The following PARD6G variants were observed in gnomAD, a reference collection of about 807,000 sequenced individuals.
PARD6G encodes par-6 family cell polarity regulator gamma.
PARD6G carries 7 observed loss-of-function variants against 10.7 expected under a neutral mutation model. That is an observed-to-expected ratio of 0.66 (90% CI 0.37 to 1.23). The LOEUF is 1.23. PARD6G is among the 50% of genes most tolerant of loss of function. The probability of loss-of-function intolerance (pLI) is 0.02; values close to 1 mark genes in which losing one functional copy is unlikely to be tolerated. For synonymous variants in PARD6G, 287 were observed against 269.4 expected (o/e 1.07, Z -0.64); for missense variants, 548 against 571.8 (o/e 0.96, Z 0.42).
intron 1 of PARD6G, among the ~76,000 whole-genome samples, chr18:80,221,945 T>A (rs1967234954): frequency 6.6e-6 from 1 of 152,142 alleles, no homozygotes; most frequent in South Asian, 2.1e-4. Flanking sequence ...ACAATAGCAT[T>A]ACAAAGGATA....
intron 1 of PARD6G, among the ~76,000 whole-genome samples, chr18:80,206,550 C>T (rs1006186858): frequency 6.6e-6 from 1 of 152,188 alleles, no homozygotes; most frequent in Non-Finnish European, 1.5e-5. Context: ...TAAAGTTGTC[C>T]TAACTGAACT....
rs1255936288 is a variant in PARD6G, at chr18:80,182,638, C to T, written c.295+20072G>A. 1.3e-5 allele frequency among the ~76,000 whole-genome samples: 2 copies of T among 152,178 alleles called. No individual in the cohort carries two copies. Among genetic ancestry groups the T allele is most frequent in the Admixed American group, 1.3e-4 (2 of 15,276 alleles). ...CAAATACAAAACTGCATAAAAATAGCTTCCACAGGGAAAAAAGGTGCAAGT... is the reference window on the plus strand; with the variant it reads ...CAAATACAAAACTGCATAAAAATAGTTTCCACAGGGAAAAAAGGTGCAAGT... On this transcript the variant is annotated intron_variant, in intron 2 of 2. Coordinates refer to ENST00000353265, the MANE Select transcript of PARD6G (RefSeq NM_032510.4). The surrounding 1 kb of genome is among the most constrained non-coding windows in gnomAD (Gnocchi z 4.5).
At position 80,160,541 on chromosome 18, in the gene PARD6G, G is replaced by C; in HGVS notation, c.361C>G (p.Leu121Val). ...LCRRRRALGA[L>V]RDEGPRRRAH... ...CGCCGCCGGGGTCCTTCATCACGCA[G>C]CGCGCCCAGCGCCCGCCTCCGCCTG... Residue 121 changes from leucine to valine, a missense_variant, in exon 3 of 3, where the codon CTG (leucine) becomes GTG (valine). Transcript: ENST00000353265. 6.7e-7 allele frequency: 1 copy of C among 1,494,794 alleles called. No individual in the cohort carries two copies. The highest frequency in any genetic ancestry group is 8.9e-7 in the Non-Finnish European group (1 of 1,124,568). The allele number at this position is 1,494,794 out of a possible 1,614,324, so 92.6% of individuals were successfully genotyped here. A position where few individuals can be genotyped will look rare whatever the true frequency, so the allele number is the denominator to read the frequency against.
In PARD6G at chr18:80,159,155, A is replaced by G. The variant is rs1310676994; in HGVS notation, c.*616T>C. 2.0e-5 allele frequency: 3 copies of G among 152,022 alleles called. No individual in the cohort carries two copies. In the Middle Eastern group the frequency reaches 0.01, roughly 517 times the overall value. 9.4% of individuals were successfully genotyped at this position (152,022 alleles called of 1,614,324 possible). A position where few individuals can be genotyped will look rare whatever the true frequency, so the allele number is the denominator to read the frequency against. ...CAGGCGCCTGCCACCACACCTGGCTAATTTTTATATTTTTAGTAGAGACAG... is the reference window on the plus strand; with the variant it reads ...CAGGCGCCTGCCACCACACCTGGCTGATTTTTATATTTTTAGTAGAGACAG... On this transcript the variant is annotated 3_prime_UTR_variant, in exon 3 of 3. Coordinates refer to ENST00000353265, the MANE Select transcript of PARD6G (RefSeq NM_032510.4).
chr18:80,240,501 C>T (rs867610795), intron 1 of PARD6G, among the ~76,000 whole-genome samples: 1 of 152,180 alleles, frequency 6.6e-6, no homozygotes, highest in African/African-American at 2.4e-5. Flanking sequence ...CAATGCTGAG[C>T]TCTTCCTTAC....
At chr18:80,211,898 C>A (rs934226219) in intron 1 of PARD6G, among the ~76,000 whole-genome samples, 1 of 151,774 alleles carries the variant, frequency 6.6e-6, no homozygotes, top group African/African-American at 2.4e-5. Context: ...GGTGCCAGGG[C>A]CTTGAGGGAG....
rs996066523 is a variant in PARD6G, at chr18:80,159,686, C to CA, written c.*84dup. The CA allele has an allele frequency of 1.3e-5, 17 of 1,318,834 alleles. No individual in the cohort carries two copies. The highest frequency in any genetic ancestry group is 1.9e-4 in the Middle Eastern group (1 of 5,134). The allele number at this position is 1,318,834 out of a possible 1,614,324, so 81.7% of individuals were successfully genotyped here. A position where few individuals can be genotyped will look rare whatever the true frequency, so the allele number is the denominator to read the frequency against. On this transcript the variant is annotated 3_prime_UTR_variant, in exon 3 of 3. Coordinates refer to ENST00000353265, the MANE Select transcript of PARD6G (RefSeq NM_032510.4). ...GTTGTTTTTGTGGTCACAAAAACAA[C>CA]AAAAAATGAGCGGATGCAGTCTGCA...
At chr18:80,242,219 A>G (rs1446374736) in intron 1 of PARD6G, among the ~76,000 whole-genome samples, 1 of 152,220 alleles carries the variant, frequency 6.6e-6, no homozygotes, top group Non-Finnish European at 1.5e-5. Flanking sequence ...AAATCAAGTC[A>G]CTGAACCTGT....
At chr18:80,176,947 ATGCACACACACACAGGCATG>A (rs1390786762) in intron 2 of PARD6G, among the ~76,000 whole-genome samples, 8 of 150,636 alleles carry the variant, frequency 5.3e-5, no homozygotes, top group Non-Finnish European at 8.9e-5. Context: ...GGAAGCATGC[ATGCACACACACACAGGCATG>A]TGCACACACA....
chr18:80,247,304 A>G lies in PARD6G; in HGVS notation c.45T>C (p.Asp15=), dbSNP rs1159522706. Residue 15 remains aspartate, a synonymous_variant, in exon 1 of 3, where the codon GAT becomes GAC. Transcript: ENST00000353265. The surrounding 1 kb of genome is among the most constrained non-coding windows in gnomAD (Gnocchi z 4.2). ...FHKSQTLRFY[D]CSAVEVKSKF... The stretch of plus-strand genomic sequence containing the variant: ...TGCTCTTGACTTCCACTGCGCTGCA[A>G]TCGTAGAATCGCAAGGTCTGAGACT... 4 of 1,584,660 alleles carry G rather than the reference A, an allele frequency of 2.5e-6. No individual in the cohort carries two copies. The highest frequency in any genetic ancestry group is 3.5e-5 in the Admixed American group (2 of 56,710).
chr18:80,224,345 G>GA (rs1568441525), intron 1 of PARD6G, among the ~76,000 whole-genome samples: 1 of 152,098 alleles, frequency 6.6e-6, no homozygotes, highest in Non-Finnish European at 1.5e-5. Context: ...TAGAAGGTAT[G>GA]AAAGTCTTTT....
intron 1 of PARD6G, among the ~76,000 whole-genome samples, chr18:80,236,462 C>A (rs982058503): frequency 6.6e-6 from 1 of 152,202 alleles, no homozygotes; most frequent in Non-Finnish European, 1.5e-5. Flanking sequence ...TGCCCTCCCT[C>A]ACCACTCCTA....
rs1003763110 is a variant in PARD6G at position 80,192,490 on chromosome 18, G to A, written c.295+10220C>T. Among the ~76,000 whole-genome samples the A allele has an allele frequency of 1.3e-5, 2 of 150,638 alleles. No individual in the cohort carries two copies. The highest frequency in any genetic ancestry group is 6.6e-5 in the Admixed American group (1 of 15,156). ...GGGACGGGGGAGAGCAGGTGCCACG[G>A]CGGGAGCCCAGGGGACGGGGGAGAG... On this transcript the variant is annotated intron_variant, in intron 2 of 2. Coordinates refer to ENST00000353265, the MANE Select transcript of PARD6G (RefSeq NM_032510.4). The surrounding 1 kb of genome is among the most constrained non-coding windows in gnomAD (Gnocchi z 4.9).
intron 1 of PARD6G, among the ~76,000 whole-genome samples, chr18:80,229,174 G>A (rs1178279089): frequency 1.3e-5 from 2 of 152,150 alleles, no homozygotes; most frequent in Admixed American, 6.5e-5. Context: ...TCCTGACCTT[G>A]TGATCCACCC....
intron 1 of PARD6G, among the ~76,000 whole-genome samples, chr18:80,223,626 C>T (rs915544083): frequency 3.9e-5 from 6 of 152,282 alleles, no homozygotes; most frequent in East Asian, 1.9e-4. Flanking sequence ...GAATGTAAAA[C>T]GGTGCAAATG....
rs367795339 is a variant in PARD6G, at chr18:80,183,512, G to A, written c.295+19198C>T. Among the ~76,000 whole-genome samples, 6 of 152,064 alleles carry A rather than the reference G, an allele frequency of 3.9e-5. No homozygotes were observed. The highest frequency in any genetic ancestry group is 5.9e-5 in the Non-Finnish European group (4 of 68,030). ...GGCTCAGCACGTGATCCTGCCGGTC[G>A]TACACACAGCCCCAGCTCGAGCACT... is the stretch of plus-strand genomic sequence containing the variant. On this transcript the variant is annotated intron_variant, in intron 2 of 2. Transcript: ENST00000353265. This position sits in a 1 kb window ranked among gnomAD's most constrained non-coding sequence, Gnocchi z 4.5.
intron 2 of PARD6G, among the ~76,000 whole-genome samples, chr18:80,187,570 A>G (rs527437816): frequency 6.6e-6 from 1 of 152,240 alleles, no homozygotes; most frequent in South Asian, 2.1e-4. Flanking sequence ...GGAACAAAGG[A>G]CACCCTAGCC....
intron 2 of PARD6G, among the ~76,000 whole-genome samples, chr18:80,174,078 G>GA (rs1454259683): frequency 6.6e-6 from 1 of 152,128 alleles, no homozygotes; most frequent in Non-Finnish European, 1.5e-5. Context: ...TATAAAATGG[G>GA]ATGTACCACC....
chr18:80,232,242 G>C (rs1967365883), intron 1 of PARD6G, among the ~76,000 whole-genome samples: 2 of 152,142 alleles, frequency 1.3e-5, no homozygotes, highest in South Asian at 4.1e-4. Context: ...CTGGGTGGGT[G>C]GGATGGGTCA....
Sources: allele counts gnomAD v4.1 joint callset (sites outside exome capture counted in the v4.1 genomes callset), GRCh38; gene constraint gnomAD v4.1.1; non-coding constraint Gnocchi (gnomAD v3.1); transcripts MANE v1.5; gene names NCBI Gene and HGNC (gene_info 2026-07-23, HGNC 2026-07-21).